The following DUSP8 variants were observed in gnomAD, a reference collection of about 807,000 sequenced individuals.
DUSP8 encodes dual specificity phosphatase 8.
Under a neutral mutation model 38.7 loss-of-function variants are expected in DUSP8, and 15 were observed. The observed-to-expected ratio is 0.39, with a 90% confidence interval of 0.26 to 0.60. DUSP8 has a LOEUF of 0.60. Among genes scored for constraint, DUSP8 ranks in the 20% least tolerant of loss-of-function variants. The pLI, the probability that DUSP8 is intolerant of heterozygous loss-of-function variation, is 0.56. For synonymous variants in DUSP8, 458 were observed against 433.9 expected (o/e 1.06, Z -0.69); for missense variants, 768 against 915.0 (o/e 0.84, Z 2.07).
intron 1 of DUSP8, among the ~76,000 whole-genome samples, chr11:1,568,528 T>C (rs1309989578): frequency 1.3e-5 from 2 of 152,154 alleles, no homozygotes; most frequent in Admixed American, 1.3e-4. Context: ...ATCGTCACCA[T>C]GGCAACAGCA....
chr11:1,563,148 C>T (rs528535854), intron 3 of DUSP8, among the ~76,000 whole-genome samples: 3 of 152,290 alleles, frequency 2.0e-5, no homozygotes, highest in Non-Finnish European at 4.4e-5. Flanking sequence ...GCAGAAGGAG[C>T]CTGGACAAAG....
At chr11:1,570,505 TGAG>T (rs148364860) in intron 1 of DUSP8, among the ~76,000 whole-genome samples, 12,412 of 152,232 alleles carry the variant, frequency 0.082, 662 homozygotes, top group Non-Finnish European at 0.12. Context: ...AGCCCCAGCC[TGAG>T]AAGAGAAGGG....
rs753062218 is a variant in DUSP8 at position 1,557,886 on chromosome 11, G to A, written c.729C>T (p.Ile243=). ...DKAKLSSCQV[I]VHCLAGISRS... is the part of the protein sequence containing the mutation. ...GGGAGATGCCAGCCAGACAGTGGAC[G>A]ATGACTTGGCAGCTGGAGAGCTTGG... The change falls in exon 6 of 7, where the codon ATC becomes ATT. Residue 243 remains isoleucine (I), a synonymous_variant. Transcript: ENST00000397374. This position sits in a 1 kb window ranked among gnomAD's most constrained non-coding sequence, Gnocchi z 9.9. 1.6e-5 allele frequency: 26 copies of A among 1,613,900 alleles called. No individual in the cohort carries two copies. The highest frequency in any genetic ancestry group is 1.7e-4 in the Middle Eastern group (1 of 6,058).
intron 1 of DUSP8, 39 bp from the exon 2 acceptor site, chr11:1,565,973 C>T (rs934241440): frequency 1.5e-5 from 10 of 682,280 alleles, no homozygotes; most frequent in Non-Finnish European, 1.8e-5. Context: ...GCTGCGGGCC[C>T]CTGGGTGGCA....
chr11:1,566,393 T>C (rs1006520779), intron 1 of DUSP8, among the ~76,000 whole-genome samples: 2 of 151,884 alleles, frequency 1.3e-5, no homozygotes, highest in Non-Finnish European at 2.9e-5. Context: ...TGCCCCTCTC[T>C]CCCTAGCACA....
chr11:1,563,779 T>TGCCCAA, intron 3 of DUSP8, 72 bp downstream of exon 3: 1 of 1,407,128 alleles, frequency 7.1e-7, no homozygotes. Flanking sequence ...ACCTCCCTGA[T>TGCCCAA]GCCCCAGCCC....
chr11:1,572,433 G>GGGGGGGC (rs1848921403), upstream of DUSP8, among the ~76,000 whole-genome samples: 1 of 150,004 alleles, frequency 6.7e-6, no homozygotes, highest in Non-Finnish European at 1.5e-5. The surrounding 1 kb of genome is among the most constrained non-coding windows in gnomAD (Gnocchi z 4.7). Context: ...CTGCCGCGGG[G>GGGGGGGC]GGGGGGCGGG....
chr11:1,559,373 C>G (rs74049251), intron 3 of DUSP8: 7 of 380,852 alleles, frequency 1.8e-5, no homozygotes, highest in Non-Finnish European at 3.3e-5. Context: ...CATCACGGCA[C>G]GCGCTGGGCC....
chr11:1,556,405 T>C lies in DUSP8; in HGVS notation c.*113A>G, dbSNP rs1187918132. The stretch of plus-strand genomic sequence containing the variant: ...CTTAAATAAATAAAAAATCGAAATA[T>C]TTACTTCTCGATAAAAATCCCAGTA... On this transcript the variant is annotated 3_prime_UTR_variant, in exon 7 of 7. Coordinates refer to ENST00000397374, the MANE Select transcript of DUSP8 (RefSeq NM_004420.3). The surrounding 1 kb of genome is among the most constrained non-coding windows in gnomAD (Gnocchi z 5.2). 16 of 1,212,978 alleles carry C rather than the reference T, an allele frequency of 1.3e-5. No individual in the cohort carries two copies. Among genetic ancestry groups the C allele is most frequent in the Admixed American group, 4.2e-5 (1 of 23,632 alleles). The allele number at this position is 1,212,978 out of a possible 1,614,324, so 75.1% of individuals were successfully genotyped here.
intron 1 of DUSP8, among the ~76,000 whole-genome samples, chr11:1,569,141 T>C (rs1848850406): frequency 6.6e-6 from 1 of 152,140 alleles, no homozygotes; most frequent in Non-Finnish European, 1.5e-5. Flanking sequence ...GTGGCCCTGC[T>C]ATTCCAGTGC....
At chr11:1,567,627 CT>C (rs1848823957) in intron 1 of DUSP8, among the ~76,000 whole-genome samples, 1 of 152,264 alleles carries the variant, frequency 6.6e-6, no homozygotes, top group South Asian at 2.1e-4. Flanking sequence ...CCCACCATCC[CT>C]CCTGTTGCCA....
At chr11:1,571,841 C>A (rs2133455171) in intron 1 of DUSP8, 60 bp downstream of exon 1, 1 of 147,824 alleles carries the variant, frequency 6.8e-6, no homozygotes, top group African/African-American at 2.4e-5. Context: ...CGCCCCCCGG[C>A]CCGGGCCGGT....
intron 3 of DUSP8, among the ~76,000 whole-genome samples, chr11:1,562,742 C>G (rs1010441146): frequency 2.0e-5 from 3 of 151,964 alleles, no homozygotes; most frequent in East Asian, 1.9e-4. Context: ...CTCGCAGAGG[C>G]AGATGCTGGT....
At chr11:1,566,621 C>T (rs577416450) in intron 1 of DUSP8, among the ~76,000 whole-genome samples, 4 of 152,238 alleles carry the variant, frequency 2.6e-5, no homozygotes, top group East Asian at 3.9e-4. Context: ...GTTTAGTGTG[C>T]GCCACGTGCC....
rs1848867707 is a variant in DUSP8 at position 1,570,314 on chromosome 11, A to G, written c.-109+1587T>C. ...CTTCCAAGGTTCACTGCCCTGAGCA[A>G]CTCCGGCAGAGGGGGCCTCAGCGGG... On this transcript the variant is annotated intron_variant, in intron 1 of 6. Transcript: ENST00000397374. Among the ~76,000 whole-genome samples the G allele has an allele frequency of 3.3e-5, 5 of 152,040 alleles. No homozygotes were observed. The South Asian group carries it at 1.0e-3, about 32-fold the overall frequency.
chr11:1,557,656 C>G lies in DUSP8; in HGVS notation c.822-82G>C, dbSNP rs1195563699. On this transcript the variant is annotated intron_variant, in intron 6 of 6. Transcript: ENST00000397374. The surrounding 1 kb of genome is among the most constrained non-coding windows in gnomAD (Gnocchi z 9.9). Reference sequence around the variant, plus strand: ...CGCACCCGCTGGGCACCCACGAGCTCATGTGCGCCAGGCTGGTCTCAGGCC... The same window carrying G: ...CGCACCCGCTGGGCACCCACGAGCTGATGTGCGCCAGGCTGGTCTCAGGCC... 5.9e-6 allele frequency: 9 copies of G among 1,538,014 alleles called. No homozygotes were observed. Among genetic ancestry groups the G allele is most frequent in the Non-Finnish European group, 7.9e-6 (9 of 1,142,882 alleles).
chr11:1,558,023 T>C lies in DUSP8; in HGVS notation c.697+89A>G. ...CCCAACTGCCAACAGTTCCGGCTACTTCCTGGGGACCCCTCCTGTGTCTGT... is the reference window on the plus strand; with the variant it reads ...CCCAACTGCCAACAGTTCCGGCTACCTCCTGGGGACCCCTCCTGTGTCTGT... On this transcript the variant is annotated intron_variant, in intron 5 of 6. Coordinates refer to ENST00000397374, the MANE Select transcript of DUSP8 (RefSeq NM_004420.3). The surrounding 1 kb of genome is among the most constrained non-coding windows in gnomAD (Gnocchi z 6.3). The C allele has an allele frequency of 1.2e-6, 2 of 1,610,880 alleles. No individual in the cohort carries two copies. The highest frequency in any genetic ancestry group is 1.7e-6 in the Non-Finnish European group (2 of 1,178,554).
Position 1,556,435 on chromosome 11 carries a change from C to T in DUSP8, c.*83G>A, listed in dbSNP as rs1848624075. 8.1e-7 allele frequency: 1 copy of T among 1,228,874 alleles called. No individual in the cohort carries two copies. The highest frequency in any genetic ancestry group is 1.0e-6 in the Non-Finnish European group (1 of 985,756). The allele number at this position is 1,228,874 out of a possible 1,614,324, so 76.1% of individuals were successfully genotyped here. A position where few individuals can be genotyped will look rare whatever the true frequency, so the allele number is the denominator to read the frequency against. On this transcript the variant is annotated 3_prime_UTR_variant, in exon 7 of 7. Coordinates refer to ENST00000397374, the MANE Select transcript of DUSP8 (RefSeq NM_004420.3). This position sits in a 1 kb window ranked among gnomAD's most constrained non-coding sequence, Gnocchi z 5.2. The stretch of plus-strand genomic sequence containing the variant: ...TTCTCGATAAAAATCCCAGTAAAAC[C>T]ATTTACCTTTCTTTGCATTATATAT...
chr11:1,557,729 G>C lies in DUSP8; in HGVS notation c.821+65C>G. ...GGACGGTGGGGTCATTCTGGTGCAAGTGGGCAGCCGGGGGAAGGGAAGCGA... is the reference window on the plus strand; with the variant it reads ...GGACGGTGGGGTCATTCTGGTGCAACTGGGCAGCCGGGGGAAGGGAAGCGA... On this transcript the variant is annotated intron_variant, in intron 6 of 6. Transcript: ENST00000397374. The surrounding 1 kb of genome is among the most constrained non-coding windows in gnomAD (Gnocchi z 9.9). 1 of 1,605,276 alleles carries C rather than the reference G, an allele frequency of 6.2e-7. No individual in the cohort carries two copies. Among genetic ancestry groups the C allele is most frequent in the African/African-American group, 1.3e-5 (1 of 74,952 alleles).
Sources: gnomAD v4.1 joint callset for allele counts (sites outside exome capture counted in the v4.1 genomes callset) on GRCh38, gnomAD v4.1.1 for gene constraint, Gnocchi (gnomAD v3.1) non-coding constraint, MANE v1.5 for transcripts, NCBI Gene and HGNC (gene_info 2026-07-23, HGNC 2026-07-21) for gene names.